ZC3H12B: variants seen among roughly 807,000 people sequenced by gnomAD.
ZC3H12B encodes probable ribonuclease ZC3H12B.
ZC3H12B carries 7 observed loss-of-function variants against 43.9 expected under a neutral mutation model. The ratio of observed to expected loss-of-function variants is 0.16; its 90% CI spans 0.09 to 0.30. ZC3H12B has a LOEUF of 0.30. Ranked by LOEUF, ZC3H12B falls within the 10% of genes least tolerant of loss-of-function variation. The pLI, the probability that ZC3H12B is intolerant of heterozygous loss-of-function variation, is 1.00. For missense variants in ZC3H12B, 475 were observed against 670.2 expected, an observed-to-expected ratio of 0.71 and a Z score of 3.22; for synonymous variants, 222 against 241.7, an observed-to-expected ratio of 0.92 and a Z score of 0.76.
chrX:65,355,897 G>C, the ZC3H12B span, among the ~76,000 whole-genome samples: 1 of 111,885 alleles, frequency 8.9e-6, no homozygotes, highest in Non-Finnish European at 1.9e-5. Flanking sequence ...AGAAGTTGCA[G>C]TGAGCTGAGA....
chrX:65,189,582 G>A, the ZC3H12B span, among the ~76,000 whole-genome samples: 1 of 105,974 alleles, frequency 9.4e-6, no homozygotes, highest in Non-Finnish European at 1.9e-5. Context: ...TTTTTTGGCT[G>A]CATAAATGTC....
At chrX:65,367,874 G>T (rs1348712296) in intron 1 of ZC3H12B, among the ~76,000 whole-genome samples, 1 of 110,597 alleles carries the variant, frequency 9.0e-6, no homozygotes, top group East Asian at 2.8e-4. Context: ...CAGAATTTAT[G>T]GCCTGATTTG....
chrX:65,098,257 C>A, the ZC3H12B span, among the ~76,000 whole-genome samples: 1 of 110,149 alleles, frequency 9.1e-6, no homozygotes, highest in Admixed American at 9.7e-5. Flanking sequence ...CACACACACA[C>A]ACAACTGGAA....
chrX:65,148,870 A>C, the ZC3H12B span, among the ~76,000 whole-genome samples: 1 of 111,766 alleles, frequency 8.9e-6, no homozygotes, highest in East Asian at 2.8e-4. Context: ...AAGCACTGGA[A>C]AATTTTATTC....
At chrX:65,204,572 T>A in the ZC3H12B span, among the ~76,000 whole-genome samples, 1 of 111,825 alleles carries the variant, frequency 8.9e-6, no homozygotes, top group African/African-American at 3.3e-5. Flanking sequence ...CAAACTCATA[T>A]CAGCAAACTG....
At chrX:65,469,741 C>A (rs990320416) in intron 3 of ZC3H12B, 10 of 118,865 alleles carry the variant, frequency 8.4e-5, no homozygotes, top group Non-Finnish European at 1.6e-4. Flanking sequence ...GAGGCCGAGG[C>A]AGGTGGATCA....
chrX:65,127,069 G>A, the ZC3H12B span, among the ~76,000 whole-genome samples: 1 of 110,769 alleles, frequency 9.0e-6, no homozygotes, highest in African/African-American at 3.3e-5. Flanking sequence ...GGATGTTAAA[G>A]AAGCTTGCTA....
intron 3 of ZC3H12B, among the ~76,000 whole-genome samples, chrX:65,403,454 T>G (rs1287046181): frequency 8.9e-6 from 1 of 111,805 alleles, no homozygotes; most frequent in Non-Finnish European, 1.9e-5. Context: ...TAGAGAAAGT[T>G]ATTAACACTC....
At chrX:65,282,838 G>T in the ZC3H12B span, among the ~76,000 whole-genome samples, 2 of 111,571 alleles carry the variant, frequency 1.8e-5, no homozygotes, top group East Asian at 5.6e-4. Context: ...CTAATAGCCT[G>T]CCAACAAAAA....
At chrX:65,342,000 A>G in the ZC3H12B span, among the ~76,000 whole-genome samples, 1 of 111,118 alleles carries the variant, frequency 9.0e-6, no homozygotes, top group Non-Finnish European at 1.9e-5. Context: ...ACCCAATAAT[A>G]TGCTGTCTTC....
the ZC3H12B span, among the ~76,000 whole-genome samples, chrX:65,132,971 A>G: frequency 9.0e-6 from 1 of 111,200 alleles, no homozygotes; most frequent in African/African-American, 3.3e-5. Context: ...GGGCTCTGGG[A>G]GTGGCTGCCG....
the ZC3H12B span, among the ~76,000 whole-genome samples, chrX:65,245,429 C>T: frequency 2.7e-5 from 3 of 111,184 alleles, no homozygotes; most frequent in Non-Finnish European, 3.8e-5. Context: ...AACATAAATG[C>T]AAAAATCCTT....
chrX:65,206,981 G>A, the ZC3H12B span, among the ~76,000 whole-genome samples: 8 of 102,694 alleles, frequency 7.8e-5, no homozygotes, highest in Non-Finnish European at 1.5e-4. Context: ...CGCAAGAATG[G>A]CCATAATCAA....
chrX:65,337,245 G>T, the ZC3H12B span, among the ~76,000 whole-genome samples: 1 of 111,683 alleles, frequency 9.0e-6, no homozygotes, highest in Non-Finnish European at 1.9e-5. Flanking sequence ...CCTCAGTATC[G>T]TCCCTTTGGG....
intron 2 of ZC3H12B, among the ~76,000 whole-genome samples, chrX:65,379,637 C>G (rs935772976): frequency 1.8e-5 from 2 of 112,444 alleles, no homozygotes; most frequent in African/African-American, 6.5e-5. Context: ...GAGAAGAAGG[C>G]TTCAGATGAT....
chrX:65,063,707 G>C, the ZC3H12B span, among the ~76,000 whole-genome samples: 3 of 112,102 alleles, frequency 2.7e-5, no homozygotes, highest in Non-Finnish European at 5.6e-5. Flanking sequence ...TTTTTCTATT[G>C]TTTTGAGAAG....
At chrX:65,179,313 G>A in the ZC3H12B span, among the ~76,000 whole-genome samples, 2 of 109,848 alleles carry the variant, frequency 1.8e-5, no homozygotes, top group East Asian at 2.9e-4. Context: ...TGTAGATGAC[G>A]GGTTGATGGT....
At chrX:65,064,978 T>C in the ZC3H12B span, among the ~76,000 whole-genome samples, 1 of 110,991 alleles carries the variant, frequency 9.0e-6, no homozygotes, top group Admixed American at 9.6e-5. Flanking sequence ...GCTTTTTTTT[T>C]CTTTCCGTCT....
the ZC3H12B span, among the ~76,000 whole-genome samples, chrX:65,188,388 T>A: frequency 9.6e-6 from 1 of 104,645 alleles, no homozygotes; most frequent in Non-Finnish European, 2.0e-5. Flanking sequence ...TGAGAAGCCT[T>A]CAAACTATTA....
Sources: gnomAD v4.1 joint callset for allele counts (sites outside exome capture counted in the v4.1 genomes callset) on GRCh38, gnomAD v4.1.1 for gene constraint, MANE v1.5 for transcripts, NCBI Gene and HGNC (gene_info 2026-07-23, HGNC 2026-07-21) for gene names.